The following RAD51B variants were observed in gnomAD, a reference collection of about 807,000 sequenced individuals.
RAD51B encodes DNA repair protein RAD51 homolog 2.
RAD51B carries 38 observed loss-of-function variants against 42.2 expected under a neutral mutation model. The observed-to-expected ratio is 0.90, with a 90% CI of 0.70 to 1.18. The LOEUF (loss-of-function observed/expected upper bound fraction) is 1.18. Among genes scored for constraint, RAD51B ranks in the 50% most tolerant of loss-of-function variants. The pLI is 0.00. For missense variants in RAD51B, 373 were observed against 400.7 expected (o/e 0.93, Z 0.59); for synonymous variants, 154 against 145.2 (o/e 1.06, Z -0.43).
intron 7 of RAD51B, among the ~76,000 whole-genome samples, chr14:67,990,021 C>CA: frequency 8.1e-6 from 1 of 124,098 alleles, no homozygotes; most frequent in Non-Finnish European, 1.6e-5. Context: ...TTTTTTGAGG[C>CA]AGAGTCTCGT....
chr14:68,275,589 A>T (rs2139602760), intron 7 of RAD51B, among the ~76,000 whole-genome samples: 1 of 152,250 alleles, frequency 6.6e-6, no homozygotes, highest in African/African-American at 2.4e-5. Context: ...CGCATGGATG[A>T]CACACAGTCA....
intron 7 of RAD51B, among the ~76,000 whole-genome samples, chr14:68,121,390 G>A (rs919441737): frequency 3.2e-4 from 48 of 152,246 alleles, no homozygotes; most frequent in African/African-American, 1.1e-3. Flanking sequence ...CTTCTAAGAG[G>A]CGTTATTCCT....
At chr14:68,085,399 C>G (rs1430296851) in intron 7 of RAD51B, among the ~76,000 whole-genome samples, 1 of 151,988 alleles carries the variant, frequency 6.6e-6, no homozygotes, top group Non-Finnish European at 1.5e-5. Flanking sequence ...GTATAGCAAC[C>G]TTATGAGCAG....
intron 10 of RAD51B, among the ~76,000 whole-genome samples, chr14:68,533,754 T>C (rs1887452893): frequency 6.6e-6 from 1 of 152,182 alleles, no homozygotes; most frequent in African/African-American, 2.4e-5. Context: ...TTCTGAGCAA[T>C]GTTGAGTACT....
At chr14:67,925,498 C>T (rs1034548664) in intron 7 of RAD51B, among the ~76,000 whole-genome samples, 2 of 152,054 alleles carry the variant, frequency 1.3e-5, no homozygotes, top group Non-Finnish European at 2.9e-5. Flanking sequence ...GTCTCGAACT[C>T]CTGACCTTGT....
intron 10 of RAD51B, among the ~76,000 whole-genome samples, chr14:68,570,898 T>C (rs147350043): frequency 1.0e-3 from 50 of 49,528 alleles, no homozygotes; most frequent in Admixed American, 1.6e-3. Flanking sequence ...CACACACACA[T>C]GCACACACAC....
chr14:68,473,898 T>C (rs775490080), intron 10 of RAD51B, among the ~76,000 whole-genome samples: 1 of 152,244 alleles, frequency 6.6e-6, no homozygotes, highest in South Asian at 2.1e-4. Flanking sequence ...CATAGTATAA[T>C]GATTGATTTT....
rs2042152235 is a variant in RAD51B, at chr14:67,861,221, A to C, written c.316-3782A>C. Among the ~76,000 whole-genome samples, 3 of 151,904 alleles carry C rather than the reference A, an allele frequency of 2.0e-5. No homozygotes were observed. The South Asian group carries it at 6.2e-4, about 32-fold the overall frequency. Reference sequence around the variant, plus strand: ...CCAAAACAAAAAAACAAAAAATCCTAACTGTTGTATAGAATCCCTAGTGTA... The same window carrying C: ...CCAAAACAAAAAAACAAAAAATCCTCACTGTTGTATAGAATCCCTAGTGTA... On this transcript the variant is annotated intron_variant, in intron 4 of 10. Coordinates refer to ENST00000471583, the MANE Select transcript of RAD51B (RefSeq NM_133510.4).
At chr14:68,111,095 C>A (rs1397955673) in intron 7 of RAD51B, among the ~76,000 whole-genome samples, 1 of 152,024 alleles carries the variant, frequency 6.6e-6, no homozygotes, top group African/African-American at 2.4e-5. Context: ...TCTGTCTAGG[C>A]TCTTTTTGCA....
intron 7 of RAD51B, among the ~76,000 whole-genome samples, chr14:68,061,053 CTTTTTT>C (rs755916680): frequency 2.0e-5 from 2 of 101,290 alleles, no homozygotes; most frequent in African/African-American, 3.9e-5. Context: ...TATTTGAGGT[CTTTTTT>C]TTTTTTTTTT....
intron 7 of RAD51B, among the ~76,000 whole-genome samples, chr14:68,019,252 T>C (rs2075825204): frequency 6.6e-6 from 1 of 151,930 alleles, no homozygotes; most frequent in African/African-American, 2.4e-5. Flanking sequence ...ACCTACAGAG[T>C]ACCGCTGCAG....
chr14:68,625,771 G>A (rs1292536885), intron 10 of RAD51B, among the ~76,000 whole-genome samples: 2 of 152,186 alleles, frequency 1.3e-5, no homozygotes, highest in African/African-American at 2.4e-5. Context: ...GCTGCTCCTG[G>A]TATCTCTATG....
At chr14:68,466,838 A>G (rs988746196) in intron 9 of RAD51B, among the ~76,000 whole-genome samples, 5 of 152,180 alleles carry the variant, frequency 3.3e-5, no homozygotes, top group African/African-American at 1.2e-4. Context: ...CTAGAGGAAA[A>G]TTGTAGGCTC....
At chr14:68,555,082 G>A (rs1034542065) in intron 10 of RAD51B, among the ~76,000 whole-genome samples, 3 of 152,054 alleles carry the variant, frequency 2.0e-5, no homozygotes, top group South Asian at 2.1e-4. Flanking sequence ...TCCTGACCTC[G>A]TGATCCGCCC....
At chr14:68,469,000 T>C in intron 10 of RAD51B, 1 of 387,854 alleles carries the variant, frequency 2.6e-6, no homozygotes, top group Non-Finnish European at 5.6e-6. Context: ...GTTAGAAGAG[T>C]CAGCCCACAA....
In RAD51B at chr14:68,075,107, C is replaced by G. The variant is rs1390552399; in HGVS notation, c.756+187903C>G. 2.0e-5 allele frequency among the ~76,000 whole-genome samples: 3 copies of G among 152,304 alleles called. No homozygotes were observed. The East Asian group carries it at 5.8e-4, about 29-fold the overall frequency. On this transcript the variant is annotated intron_variant, in intron 7 of 10. Transcript: ENST00000471583. ...CTTTCACTTGTTTCTTGAGGCTCCA[C>G]CCCAGAGAAACACAAAGCTGCCTGA...
intron 7 of RAD51B, among the ~76,000 whole-genome samples, chr14:68,213,271 C>A (rs1566733696): frequency 6.6e-6 from 1 of 152,130 alleles, no homozygotes; most frequent in Non-Finnish European, 1.5e-5. Context: ...CTCATTTAAT[C>A]CTCACAGTGA....
At chr14:68,523,516 C>A (rs1480477541) in intron 10 of RAD51B, among the ~76,000 whole-genome samples, 1 of 152,192 alleles carries the variant, frequency 6.6e-6, no homozygotes, top group Non-Finnish European at 1.5e-5. Flanking sequence ...ACAGCCAGCA[C>A]CAAAGAGCCC....
intron 2 of RAD51B, among the ~76,000 whole-genome samples, chr14:67,825,027 G>A (rs1287634183): frequency 3.0e-5 from 4 of 131,942 alleles, no homozygotes; most frequent in Admixed American, 8.9e-5. Flanking sequence ...GCAGTGAGCC[G>A]AGATCGTGCC....
Sources: gnomAD v4.1 joint callset for allele counts (sites outside exome capture counted in the v4.1 genomes callset) on GRCh38, gnomAD v4.1.1 for gene constraint, MANE v1.5 for transcripts, NCBI Gene and HGNC (gene_info 2026-07-23, HGNC 2026-07-21) for gene names.